Variants in ERC2 observed in about 807,000 individuals in gnomAD.
The protein encoded by ERC2 is ELKS/RAB6-interacting/CAST family member 2.
ERC2 carries 42 observed loss-of-function variants against 114.8 expected under a neutral mutation model. The ratio of observed to expected loss-of-function variants is 0.37; its 90% CI spans 0.29 to 0.47. The LOEUF is 0.47. Among genes scored for constraint, ERC2 ranks in the 20% least tolerant of loss-of-function variants. The pLI is 0.99. For synonymous variants in ERC2, 454 were observed against 425.5 expected (o/e 1.07, Z -0.82); for missense variants, 939 against 1,150.7 (o/e 0.82, Z 2.66).
At chr3:55,787,596 G>GCTTTTAGTTA (rs1348609333) in intron 14 of ERC2, among the ~76,000 whole-genome samples, 1 of 152,078 alleles carries the variant, frequency 6.6e-6, no homozygotes, top group African/African-American at 2.4e-5. Flanking sequence ...CCTCTTTAGA[G>GCTTTTAGTTA]CTTTTAGTTA....
chr3:55,587,219 T>A (rs2057649252), intron 17 of ERC2, among the ~76,000 whole-genome samples: 1 of 152,174 alleles, frequency 6.6e-6, no homozygotes, highest in South Asian at 2.1e-4. Context: ...AATGGCACGA[T>A]CTCGGCTCAC....
At chr3:55,833,323 G>A (rs199745259) in intron 14 of ERC2, among the ~76,000 whole-genome samples, 1 of 148,248 alleles carries the variant, frequency 6.7e-6, no homozygotes, top group East Asian at 1.9e-4. Context: ...TCAACAAAGT[G>A]GAAATGAAGG....
At chr3:55,783,525 T>C (rs1158221692) in intron 14 of ERC2, among the ~76,000 whole-genome samples, 2 of 152,218 alleles carry the variant, frequency 1.3e-5, no homozygotes, top group Non-Finnish European at 2.9e-5. Flanking sequence ...AATGTGGATT[T>C]ACTTTTAAAA....
At chr3:55,864,455 G>A (rs1284480571) in intron 14 of ERC2, among the ~76,000 whole-genome samples, 1 of 151,910 alleles carries the variant, frequency 6.6e-6, no homozygotes, top group Non-Finnish European at 1.5e-5. Context: ...CTTCCAAAAA[G>A]TTACTGACAT....
chr3:56,011,186 G>GT (rs2149572739), intron 8 of ERC2, among the ~76,000 whole-genome samples: 1 of 152,348 alleles, frequency 6.6e-6, no homozygotes, highest in South Asian at 2.1e-4. Flanking sequence ...TTACTTCTGT[G>GT]TTTTTTCAGT....
chr3:56,132,001 G>A (rs2080230470), intron 6 of ERC2, among the ~76,000 whole-genome samples: 1 of 152,182 alleles, frequency 6.6e-6, no homozygotes, highest in Admixed American at 6.5e-5. Flanking sequence ...ATCACTTCTT[G>A]TAAATCCCAC....
intron 2 of ERC2, among the ~76,000 whole-genome samples, chr3:56,424,913 C>T (rs1197469749): frequency 2.0e-5 from 3 of 152,142 alleles, no homozygotes; most frequent in Admixed American, 2.0e-4. Context: ...CACACAAGCA[C>T]TCACACTTCA....
At chr3:55,866,849 G>T (rs2149273578) in intron 14 of ERC2, among the ~76,000 whole-genome samples, 1 of 152,192 alleles carries the variant, frequency 6.6e-6, no homozygotes, top group South Asian at 2.1e-4. Flanking sequence ...AAGCTTCAAA[G>T]CTTGTTCATC....
At chr3:55,982,969 C>T (rs183436582) in intron 12 of ERC2, among the ~76,000 whole-genome samples, 6 of 152,342 alleles carry the variant, frequency 3.9e-5, no homozygotes, top group African/African-American at 1.4e-4. Context: ...GAGCTCACGC[C>T]TGCTGCCAGG....
chr3:55,874,145 C>A (rs1161139352), intron 14 of ERC2, among the ~76,000 whole-genome samples: 1 of 152,188 alleles, frequency 6.6e-6, no homozygotes, highest in African/African-American at 2.4e-5. Flanking sequence ...CAAAAATGCT[C>A]TGAGCTTGCC....
At chr3:56,042,372 C>T (rs2075240064) in intron 7 of ERC2, among the ~76,000 whole-genome samples, 1 of 152,168 alleles carries the variant, frequency 6.6e-6, no homozygotes, top group Non-Finnish European at 1.5e-5. Context: ...CTTCCTAATA[C>T]CACTAAGATC....
intron 14 of ERC2, among the ~76,000 whole-genome samples, chr3:55,743,137 A>T (rs907344809): frequency 6.6e-6 from 1 of 152,192 alleles, no homozygotes; most frequent in Non-Finnish European, 1.5e-5. Context: ...GAAACCTAAT[A>T]GCACATGACT....
chr3:56,199,472 G>T (rs2048289566), intron 3 of ERC2, among the ~76,000 whole-genome samples: 1 of 151,922 alleles, frequency 6.6e-6, no homozygotes. Flanking sequence ...AAAGGACATT[G>T]AATATGTTCA....
At chr3:56,273,508 C>A (rs554348294) in intron 3 of ERC2, among the ~76,000 whole-genome samples, 18 of 152,192 alleles carry the variant, frequency 1.2e-4, no homozygotes, top group African/African-American at 3.6e-4. Flanking sequence ...ACCTCCCCAA[C>A]TGTCAGTATT....
intron 7 of ERC2, among the ~76,000 whole-genome samples, chr3:56,031,120 T>G (rs2074354840): frequency 6.6e-6 from 1 of 152,118 alleles, no homozygotes; most frequent in Admixed American, 6.5e-5. Flanking sequence ...ACCAGGCACA[T>G]AGCCATAGAC....
intron 14 of ERC2, among the ~76,000 whole-genome samples, chr3:55,879,089 C>A (rs1371856706): frequency 4.2e-4 from 19 of 45,414 alleles, no homozygotes; most frequent in Non-Finnish European, 6.6e-4. Flanking sequence ...CTTTTTTTTT[C>A]TTTTTCTTAA....
intron 2 of ERC2, among the ~76,000 whole-genome samples, chr3:56,424,489 C>T (rs575778861): frequency 2.6e-5 from 4 of 152,230 alleles, no homozygotes; most frequent in African/African-American, 7.2e-5. Context: ...ATTCTAGGGC[C>T]GACTGCAAGA....
At chr3:55,564,646 C>T (rs1362347899) in intron 17 of ERC2, among the ~76,000 whole-genome samples, 1 of 152,198 alleles carries the variant, frequency 6.6e-6, no homozygotes, top group African/African-American at 2.4e-5. Flanking sequence ...CAGGCTCTGT[C>T]ACAGCTCTGT....
At chr3:55,792,306 C>G (rs1340857868) in intron 14 of ERC2, among the ~76,000 whole-genome samples, 2 of 152,158 alleles carry the variant, frequency 1.3e-5, no homozygotes, top group Non-Finnish European at 2.9e-5. Flanking sequence ...ATAATGGGAA[C>G]AGGCAAGAAG....
Sources: gnomAD v4.1 joint callset for allele counts (sites outside exome capture counted in the v4.1 genomes callset) on GRCh38, gnomAD v4.1.1 for gene constraint, MANE v1.5 for transcripts, NCBI Gene and HGNC (gene_info 2026-07-23, HGNC 2026-07-21) for gene names.